The following OSBPL1A variants were observed in gnomAD, a reference collection of about 807,000 sequenced individuals.
OSBPL1A encodes the protein oxysterol binding protein like 1A.
In OSBPL1A, 80 loss-of-function variants were observed where a neutral mutation model predicts 137.1. The observed-to-expected ratio is 0.58, with a 90% CI of 0.49 to 0.70. OSBPL1A has a LOEUF of 0.70. Ranked by LOEUF, OSBPL1A falls within the 30% of genes least tolerant of loss-of-function variation. The probability of loss-of-function intolerance (pLI) is 0.00; values close to 1 mark genes in which losing one functional copy is unlikely to be tolerated. For synonymous variants in OSBPL1A, 365 were observed against 389.7 expected (o/e 0.94, Z 0.75); for missense variants, 970 against 1,129.4 (o/e 0.86, Z 2.02).
intron 1 of OSBPL1A, among the ~76,000 whole-genome samples, chr18:24,391,598 G>A (rs1306984596): frequency 6.6e-6 from 1 of 151,216 alleles, no homozygotes; most frequent in Non-Finnish European, 1.5e-5. Flanking sequence ...ATGTCATGGT[G>A]CGCACCTATA....
intron 16 of OSBPL1A, among the ~76,000 whole-genome samples, chr18:24,231,060 AC>A (rs1273747834): frequency 2.0e-5 from 3 of 152,170 alleles, no homozygotes; most frequent in African/African-American, 7.2e-5. Context: ...AGACTGGGCA[AC>A]AGAGCGAGAC....
rs982326873 is a variant in OSBPL1A, at chr18:24,324,854, G to A, written c.626-6045C>T. Among the ~76,000 whole-genome samples, 7 of 150,558 alleles carry A rather than the reference G, an allele frequency of 4.6e-5. No individual in the cohort carries two copies. The South Asian group carries it at 8.4e-4, about 18-fold the overall frequency. The stretch of plus-strand genomic sequence containing the variant: ...TGTTATCCCAGCACTTTCAGAGGCC[G>A]AGGCAGGCAGATCAAGAGATCAAGA... On this transcript the variant is annotated intron_variant, in intron 7 of 27. Transcript: ENST00000319481.
At chr18:24,196,327 A>C (rs2087029992) in intron 17 of OSBPL1A, 127 bp from the exon 18 acceptor site, 2 of 676,194 alleles carry the variant, frequency 3.0e-6, no homozygotes, top group Non-Finnish European at 5.1e-6. Context: ...GTCATCACAG[A>C]CAGGGCTAAG....
intron 26 of OSBPL1A, among the ~76,000 whole-genome samples, chr18:24,165,684 C>T (rs574572351): frequency 3.3e-5 from 5 of 152,264 alleles, no homozygotes; most frequent in South Asian, 4.1e-4. Context: ...GGCCTGCAGA[C>T]GCCAGCAGTC....
chr18:24,239,486 T>G, intron 15 of OSBPL1A, 104 bp from the exon 16 acceptor site: 2 of 1,041,936 alleles, frequency 1.9e-6, no homozygotes, highest in South Asian at 3.2e-5. Flanking sequence ...TCAACTGCAA[T>G]ATCAGAAATG....
intron 15 of OSBPL1A, among the ~76,000 whole-genome samples, chr18:24,258,970 G>T (rs113592583): frequency 7.7e-6 from 1 of 130,338 alleles, no homozygotes; most frequent in Non-Finnish European, 1.5e-5. Context: ...ACGGAGTCTC[G>T]CTCTGTCGCC....
chr18:24,267,405 G>GA (rs1020750918), intron 15 of OSBPL1A, among the ~76,000 whole-genome samples: 2 of 151,896 alleles, frequency 1.3e-5, no homozygotes, highest in Non-Finnish European at 2.9e-5. Context: ...GCAAAGGAGG[G>GA]AATACTCCTA....
intron 17 of OSBPL1A, among the ~76,000 whole-genome samples, chr18:24,222,376 G>C (rs759736159): frequency 6.6e-6 from 1 of 152,016 alleles, no homozygotes; most frequent in Non-Finnish European, 1.5e-5. Flanking sequence ...TGTATTTGGC[G>C]GCAAGGTTGA....
chr18:24,334,191 G>A (rs2091131046), intron 6 of OSBPL1A, 54 bp downstream of exon 6: 1 of 1,460,310 alleles, frequency 6.8e-7, no homozygotes, highest in Admixed American at 2.2e-5. Context: ...AAATTTTCCT[G>A]AAGTGTAAAG....
At position 24,239,217 on chromosome 18, in the gene OSBPL1A, T is replaced by C. The variant is rs746448070; in HGVS notation, c.1444+3A>G. 6.2e-7 allele frequency: 1 copy of C among 1,613,010 alleles called. No individual in the cohort carries two copies. Among genetic ancestry groups the C allele is most frequent in the Non-Finnish European group, 8.5e-7 (1 of 1,179,616 alleles). On this transcript the variant is annotated splice_donor_region_variant and intron_variant, in intron 16 of 27. Transcript: ENST00000319481. ...AATGCAGAGGGAAGGATCCCAGAGT[T>C]ACCTGACAGCGCATCATAGAACTCG...
intron 15 of OSBPL1A, among the ~76,000 whole-genome samples, chr18:24,241,555 G>T (rs2088694992): frequency 6.6e-6 from 1 of 152,160 alleles, no homozygotes; most frequent in African/African-American, 2.4e-5. Context: ...TCAGAGAAAT[G>T]CAAATCAAAA....
chr18:24,174,343 A>T (rs934934854), intron 21 of OSBPL1A, among the ~76,000 whole-genome samples: 1 of 152,044 alleles, frequency 6.6e-6, no homozygotes, highest in Admixed American at 6.5e-5. Flanking sequence ...TTACATTCCA[A>T]CACCAACAAT....
chr18:24,227,242 G>C (rs1274102911), intron 16 of OSBPL1A, among the ~76,000 whole-genome samples: 3 of 151,874 alleles, frequency 2.0e-5, no homozygotes, highest in Non-Finnish European at 2.9e-5. Context: ...ATTTTTCTTT[G>C]TCAATTTTGG....
chr18:24,167,785 A>T (rs2086180787), intron 24 of OSBPL1A, among the ~76,000 whole-genome samples: 1 of 152,288 alleles, frequency 6.6e-6, no homozygotes, highest in African/African-American at 2.4e-5. Context: ...CTTAGAACAT[A>T]TCCCTGTCCT....
Position 24,239,344 on chromosome 18 carries a change from G to GTT in OSBPL1A, c.1318_1319dup (p.Asn440LysfsTer19). 6.2e-7 allele frequency: 1 copy of GTT among 1,613,836 alleles called. No homozygotes were observed. The highest frequency in any genetic ancestry group is 8.5e-7 in the Non-Finnish European group (1 of 1,179,924). Reference sequence around the variant, plus strand: ...TCTCCAGTGCTTCTGACAAGATTTTGTTTTTTTCTTGCTCTTGTTCCAATT... The same window carrying GTT: ...TCTCCAGTGCTTCTGACAAGATTTTGTTTTTTTTTCTTGCTCTTGTTCCAATT... On this transcript the variant is annotated frameshift_variant, in exon 16 of 28. Coordinates refer to ENST00000319481, the MANE Select transcript of OSBPL1A (RefSeq NM_080597.4). LOFTEE classifies it high-confidence loss of function.
intron 2 of OSBPL1A, among the ~76,000 whole-genome samples, chr18:24,375,840 T>C (rs1906075629): frequency 6.6e-6 from 1 of 152,152 alleles, no homozygotes; most frequent in Non-Finnish European, 1.5e-5. Context: ...AAAAAAATTA[T>C]CATAGTGTAT....
chr18:24,183,473 C>T (rs1286757843), intron 18 of OSBPL1A, among the ~76,000 whole-genome samples: 3 of 150,704 alleles, frequency 2.0e-5, no homozygotes, highest in Non-Finnish European at 2.9e-5. Context: ...GCTCTTGTCG[C>T]CCAGGCTGGA....
At chr18:24,307,845 A>C (rs1265446605) in intron 13 of OSBPL1A, among the ~76,000 whole-genome samples, 1 of 152,170 alleles carries the variant, frequency 6.6e-6, no homozygotes, top group Admixed American at 6.5e-5. Flanking sequence ...GCTGGAGTGC[A>C]GTGGTGCGAT....
At chr18:24,202,056 T>G (rs2087236468) in intron 17 of OSBPL1A, among the ~76,000 whole-genome samples, 1 of 152,210 alleles carries the variant, frequency 6.6e-6, no homozygotes. Context: ...TGAGCTCTTC[T>G]GGGTCTTGTG....
Sources: allele counts gnomAD v4.1 joint callset (sites outside exome capture counted in the v4.1 genomes callset), GRCh38; gene constraint gnomAD v4.1.1; transcripts MANE v1.5; gene names NCBI Gene and HGNC (gene_info 2026-07-23, HGNC 2026-07-21).